The following ZNF429 variants were observed in gnomAD, a reference collection of about 807,000 sequenced individuals.
ZNF429 encodes the protein zinc finger protein 429.
Under a neutral mutation model 56.8 loss-of-function variants are expected in ZNF429, and 53 were observed. The ratio of observed to expected loss-of-function variants is 0.93; its 90% CI spans 0.75 to 1.17. The LOEUF is 1.17. Ranked by LOEUF, ZNF429 falls within the 50% of genes most tolerant of loss-of-function variation. ZNF429 has a pLI of 0.00. For missense variants in ZNF429, 849 were observed against 788.4 expected, an observed-to-expected ratio of 1.08 and a Z score of -0.92; for synonymous variants, 278 against 264.7, an observed-to-expected ratio of 1.05 and a Z score of -0.49.
chr19:21,539,423 T>A lies in ZNF429; in HGVS notation c.*1345T>A, dbSNP rs2033842530. The stretch of plus-strand genomic sequence containing the variant: ...TTGCAAAGTTATATTCAAAGTGTAC[T>A]TTTTATTTATTTTTTTGAGATGGAG... On this transcript the variant is annotated 3_prime_UTR_variant, in exon 4 of 4. Transcript: ENST00000358491. Among the ~76,000 whole-genome samples, 1 of 152,108 alleles carries A rather than the reference T, an allele frequency of 6.6e-6. No individual in the cohort carries two copies. The highest frequency in any genetic ancestry group is 2.1e-4 in the South Asian group (1 of 4,828).
At position 21,537,596 on chromosome 19, in the gene ZNF429, G is replaced by A. The variant is rs1237621416; in HGVS notation, c.1543G>A (p.Gly515Ser). Residue 515 changes from glycine (G) to serine (S), a missense_variant, in exon 4 of 4, where the codon GGC (glycine) becomes AGC (serine). By Grantham distance (56) the Gly-to-Ser change is moderately conservative. Transcript: ENST00000358491. ...GEKPYKCEEC[G>S]KAFILSSRLT... The stretch of plus-strand genomic sequence containing the variant: ...GAAACCCTACAAATGTGAAGAATGT[G>A]GCAAAGCTTTTATCCTGTCCTCAAG... The A allele has an allele frequency of 1.9e-6, 3 of 1,613,320 alleles. No individual in the cohort carries two copies. The African/African-American group carries it at 4.0e-5, about 22-fold the overall frequency.
At chr19:21,535,482 TTC>T in intron 3 of ZNF429, among the ~76,000 whole-genome samples, 5 of 116,682 alleles carry the variant, frequency 4.3e-5, no homozygotes, top group Non-Finnish European at 7.2e-5. Flanking sequence ...CTTTCTTTCT[TTC>T]TTTCTTTCTT....
chr19:21,511,352 T>G (rs1356624925), intron 1 of ZNF429, among the ~76,000 whole-genome samples: 3 of 150,330 alleles, frequency 2.0e-5, no homozygotes, highest in African/African-American at 4.9e-5. Flanking sequence ...GTCTCCTCAC[T>G]TCTCAGACTG....
In ZNF429 at chr19:21,516,478, A is replaced by C. The variant is rs540569740; in HGVS notation, c.3+10704A>C. On this transcript the variant is annotated intron_variant, in intron 1 of 3. Transcript: ENST00000358491. ...AAAAACAGTTTTTAGTTGTGTTAAGAATGTTTTTGGTAGTTTGATAGAAAT... is the reference window on the plus strand; with the variant it reads ...AAAAACAGTTTTTAGTTGTGTTAAGCATGTTTTTGGTAGTTTGATAGAAAT... Among the ~76,000 whole-genome samples, 9 of 152,090 alleles carry C rather than the reference A, an allele frequency of 5.9e-5. No homozygotes were observed. The South Asian group carries it at 8.3e-4, about 14-fold the overall frequency.
chr19:21,537,939 C>T lies in ZNF429; in HGVS notation c.1886C>T (p.Ala629Val), dbSNP rs1217397260. The stretch of plus-strand genomic sequence containing the variant: ...TACAAATGTGAAGAATGTGCCAAAG[C>T]TTTTACCCGGTCTTCAAGACTTACT... The part of the protein sequence containing the change: ...KPYKCEECAK[A>V]FTRSSRLTQH... Residue 629 changes from alanine to valine, a missense_variant, in exon 4 of 4, where the codon GCT becomes GTT. Physicochemically the swap from Ala to Val is moderately conservative, Grantham distance 64. Coordinates refer to ENST00000358491, the MANE Select transcript of ZNF429 (RefSeq NM_001001415.4). 3 of 1,613,800 alleles carry T rather than the reference C, an allele frequency of 1.9e-6. No homozygotes were observed. Among genetic ancestry groups the T allele is most frequent in the Middle Eastern group, 1.6e-4 (1 of 6,084 alleles).
Position 21,535,358 on chromosome 19 carries a change from CTTCTTTCT to C in ZNF429, c.227-907_227-900del. The stretch of plus-strand genomic sequence containing the variant: ...TCTTTTCTTTCCTTTCCTTTCTTTT[CTTCTTTCT>C]TTCTTTCTTTCTTTTTTACTTTCTT... On this transcript the variant is annotated intron_variant, in intron 3 of 3. Coordinates refer to ENST00000358491, the MANE Select transcript of ZNF429 (RefSeq NM_001001415.4). Among the ~76,000 whole-genome samples the C allele has an allele frequency of 2.6e-4, 17 of 65,132 alleles. 2 individuals are homozygous for C. The East Asian group carries it at 4.9e-3, about 19-fold the overall frequency. The allele number at this position is 65,132 out of a possible 152,430, so 42.7% of individuals were successfully genotyped here. A position where few individuals can be genotyped will look rare whatever the true frequency, so the allele number is the denominator to read the frequency against.
At chr19:21,516,443 A>T (rs184960016) in intron 1 of ZNF429, among the ~76,000 whole-genome samples, 5 of 152,186 alleles carry the variant, frequency 3.3e-5, no homozygotes, top group Admixed American at 2.0e-4. Context: ...TTGTTGTTCC[A>T]TATGAATTTA....
chr19:21,528,067 T>C (rs1400039589), intron 1 of ZNF429, among the ~76,000 whole-genome samples: 1 of 152,156 alleles, frequency 6.6e-6, no homozygotes, highest in African/African-American at 2.4e-5. Context: ...GATCTTTCTC[T>C]ACATTCTCTA....
At chr19:21,511,443 A>T (rs1487769363) in intron 1 of ZNF429, among the ~76,000 whole-genome samples, 2 of 148,750 alleles carry the variant, frequency 1.3e-5, no homozygotes, top group African/African-American at 2.5e-5. Flanking sequence ...CAGACGGGGC[A>T]GTGGGGCAGA....
intron 3 of ZNF429, among the ~76,000 whole-genome samples, chr19:21,531,123 AAAAAAACC>A: frequency 2.1e-5 from 2 of 93,322 alleles, no homozygotes; most frequent in Non-Finnish European, 2.2e-5. Flanking sequence ...AAAAAAAAAA[AAAAAAACC>A]AAAAAAAAAA....
intron 3 of ZNF429, among the ~76,000 whole-genome samples, chr19:21,531,061 A>G: frequency 7.0e-6 from 1 of 143,590 alleles, no homozygotes; most frequent in Non-Finnish European, 1.5e-5. Context: ...AGCTGAGATC[A>G]CATCATTGCA....
chr19:21,524,717 C>T (rs530077710), intron 1 of ZNF429, among the ~76,000 whole-genome samples: 1 of 151,944 alleles, frequency 6.6e-6, no homozygotes, highest in South Asian at 2.1e-4. Flanking sequence ...CACTGGGAAC[C>T]CTCTCTCAAT....
intron 1 of ZNF429, among the ~76,000 whole-genome samples, chr19:21,524,464 G>T (rs1446507950): frequency 1.3e-5 from 2 of 151,874 alleles, no homozygotes; most frequent in Admixed American, 1.3e-4. Context: ...GGAGGCGGAG[G>T]TTACAGTGAG....
At chr19:21,523,012 G>T (rs1017248751) in intron 1 of ZNF429, among the ~76,000 whole-genome samples, 11 of 152,114 alleles carry the variant, frequency 7.2e-5, no homozygotes, top group African/African-American at 2.7e-4. Flanking sequence ...AAATGTTACA[G>T]GGTGGAAATC....
intron 3 of ZNF429, among the ~76,000 whole-genome samples, chr19:21,533,738 C>T: frequency 1.0e-5 from 1 of 98,280 alleles, no homozygotes; most frequent in East Asian, 2.3e-4. Context: ...TCACTGCAAC[C>T]TGTTTCCCGG....
At chr19:21,527,425 G>A (rs2033211998) in intron 1 of ZNF429, among the ~76,000 whole-genome samples, 1 of 152,116 alleles carries the variant, frequency 6.6e-6, no homozygotes. Flanking sequence ...TTTTAATTAA[G>A]TGCCTCATGT....
rs1285070761 is a variant in ZNF429 at position 21,536,322 on chromosome 19, A to C, written c.269A>C (p.Asp90Ala). 8.7e-6 allele frequency: 14 copies of C among 1,607,324 alleles called. No individual in the cohort carries two copies. Among genetic ancestry groups the C allele is most frequent in the Non-Finnish European group, 1.1e-5 (13 of 1,177,674 alleles). Residue 90 changes from aspartate (D) to alanine (A), a missense_variant, in exon 4 of 4, where the codon GAC becomes GCC. Asp to Ala is a moderately radical substitution (Grantham distance 126). Coordinates refer to ENST00000358491, the MANE Select transcript of ZNF429 (RefSeq NM_001001415.4). ...HFAEDFWPEQ[D>A]IKDSFQKVTL... is the part of the protein sequence containing the mutation. Reference sequence around the variant, plus strand: ...GCTGAAGACTTTTGGCCAGAGCAAGACATAAAAGATTCTTTCCAAAAAGTG... The same window carrying C: ...GCTGAAGACTTTTGGCCAGAGCAAGCCATAAAAGATTCTTTCCAAAAAGTG...
In ZNF429 at chr19:21,537,380, CATAAG is replaced by C; in HGVS notation, c.1329_1333del (p.His443GlnfsTer5). The C allele has an allele frequency of 6.2e-7, 1 of 1,613,662 alleles. No individual in the cohort carries two copies. On this transcript the variant is annotated frameshift_variant, in exon 4 of 4. Coordinates refer to ENST00000358491, the MANE Select transcript of ZNF429 (RefSeq NM_001001415.4). LOFTEE classifies it high-confidence loss of function. ...TACCTATTCCTCTACACTTACTAGA[CATAAG>C]AGAATTCATACTGAAGAGAAACCCT... is the stretch of plus-strand genomic sequence containing the variant.
chr19:21,524,486 C>T (rs1172103682), intron 1 of ZNF429, among the ~76,000 whole-genome samples: 1 of 152,000 alleles, frequency 6.6e-6, no homozygotes, highest in Non-Finnish European at 1.5e-5. Context: ...TGAGATCATG[C>T]CACTGCACTC....
Sources: gnomAD v4.1 joint callset for allele counts (sites outside exome capture counted in the v4.1 genomes callset) on GRCh38, gnomAD v4.1.1 for gene constraint, MANE v1.5 for transcripts, NCBI Gene and HGNC (gene_info 2026-07-23, HGNC 2026-07-21) for gene names.